Variants in NAA16 observed in about 807,000 individuals in gnomAD.
The protein encoded by NAA16 is NARG1-like protein.
Under a neutral mutation model 110.3 loss-of-function variants are expected in NAA16, and 97 were observed. The ratio of observed to expected loss-of-function variants is 0.88; its 90% CI spans 0.75 to 1.04. The LOEUF is 1.04. NAA16 is among the 50% of genes least tolerant of loss of function. The pLI is 0.00. For synonymous variants in NAA16, 372 were observed against 330.6 expected (o/e 1.13, Z -1.36); for missense variants, 1,017 against 1,005.1 (o/e 1.01, Z -0.16).
intron 4 of NAA16, among the ~76,000 whole-genome samples, chr13:41,321,649 A>G (rs865848977): frequency 2.6e-5 from 4 of 152,248 alleles, no homozygotes; most frequent in South Asian, 2.1e-4. Context: ...AAGGGTTGCC[A>G]TAAATCAGTC....
Position 41,361,307 on chromosome 13 carries a change from A to G in NAA16, c.1411-724A>G, listed in dbSNP as rs187430181. Among the ~76,000 whole-genome samples, 312 of 152,358 alleles carry G rather than the reference A, an allele frequency of 2.0e-3. 1 individual carries two copies. The highest frequency in any genetic ancestry group is 7.3e-3 in the African/African-American group (303 of 41,588). Reference sequence around the variant, plus strand: ...AGGTGATGCTGATAGAAGCAGACACATGGGCACAAAGAAAGTGACAATGGA... The same window carrying G: ...AGGTGATGCTGATAGAAGCAGACACGTGGGCACAAAGAAAGTGACAATGGA... On this transcript the variant is annotated intron_variant, in intron 12 of 19. Coordinates refer to ENST00000379406, the MANE Select transcript of NAA16 (RefSeq NM_024561.5).
At position 41,357,032 on chromosome 13, in the gene NAA16, C is replaced by T. The variant is rs181839671; in HGVS notation, c.1088-1272C>T. 6.6e-5 allele frequency among the ~76,000 whole-genome samples: 10 copies of T among 152,226 alleles called. No homozygotes were observed. In the East Asian group the frequency reaches 1.2e-3, roughly 18 times the overall value. On this transcript the variant is annotated intron_variant, in intron 10 of 19. Transcript: ENST00000379406. ...TTATACTCATTAAAAAGGTCCATGA[C>T]GGCGTGGGGGCACGGTGGCTCCACA...
chr13:41,359,064 T>C lies in NAA16; in HGVS notation c.1410+102T>C, dbSNP rs2043056531. On this transcript the variant is annotated intron_variant, in intron 12 of 19. Coordinates refer to ENST00000379406, the MANE Select transcript of NAA16 (RefSeq NM_024561.5). ...TGTGAAGAACTTCAGTGGAAGTTCA[T>C]AAAAATTCATTTTTATTATTGTTTT... 7.0e-6 allele frequency: 7 copies of C among 1,003,134 alleles called. No individual in the cohort carries two copies. In the South Asian group the frequency reaches 1.6e-4, roughly 23 times the overall value. The allele number at this position is 1,003,134 out of a possible 1,614,324, so 62.1% of individuals were successfully genotyped here. A position where few individuals can be genotyped will look rare whatever the true frequency, so the allele number is the denominator to read the frequency against.
intron 6 of NAA16, among the ~76,000 whole-genome samples, chr13:41,326,458 C>T (rs2042095767): frequency 6.6e-6 from 1 of 152,182 alleles, no homozygotes; most frequent in Non-Finnish European, 1.5e-5. Flanking sequence ...GTCTGAAGCT[C>T]TTAATAAAAA....
intron 15 of NAA16, among the ~76,000 whole-genome samples, chr13:41,370,804 T>G (rs2043301025): frequency 6.6e-6 from 1 of 152,214 alleles, no homozygotes; most frequent in Non-Finnish European, 1.5e-5. Flanking sequence ...CATAAGGACC[T>G]TTAAGGCTCA....
At chr13:41,375,293 T>G in intron 19 of NAA16, 112 bp from the exon 20 acceptor site, 1 of 727,978 alleles carries the variant, frequency 1.4e-6, no homozygotes, top group South Asian at 2.0e-5. Context: ...AGGCATTATT[T>G]TAGACTGAGG....
chr13:41,363,628 C>G (rs1233135784), intron 13 of NAA16, among the ~76,000 whole-genome samples: 1 of 152,048 alleles, frequency 6.6e-6, no homozygotes, highest in African/African-American at 2.4e-5. Context: ...GAAAAAAATT[C>G]TGTAATGTCA....
chr13:41,358,441 G>T lies in NAA16; in HGVS notation c.1225G>T (p.Glu409Ter). ...AATTGCTAGTACTCCAACTCTAATA[G>T]AATTATTCTATATGAAAGCAAAAAT... ...AAIASTPTLI[E>*]LFYMKAKIYK... Residue 409 changes from glutamate (E) to a stop codon, truncating the protein, a stop_gained, in exon 11 of 20, where the codon GAA becomes TAA. Transcript: ENST00000379406. LOFTEE classifies it high-confidence loss of function. The T allele has an allele frequency of 6.2e-7, 1 of 1,613,338 alleles. No individual in the cohort carries two copies.
intron 4 of NAA16, among the ~76,000 whole-genome samples, chr13:41,321,932 A>G (rs533401751): frequency 7.2e-5 from 11 of 152,170 alleles, no homozygotes; most frequent in Non-Finnish European, 1.6e-4. Flanking sequence ...TACTATAATA[A>G]TAATGGCACC....
Position 41,311,401 on chromosome 13 carries a change from C to A in NAA16, c.-128C>A. On this transcript the variant is annotated 5_prime_UTR_variant, in exon 1 of 20. Transcript: ENST00000379406. Reference sequence around the variant, plus strand: ...CAGGCTGCCCAATTGCAACTGTAGACCAATGAACTAATCCATCGCCCGCAG... The same window carrying A: ...CAGGCTGCCCAATTGCAACTGTAGAACAATGAACTAATCCATCGCCCGCAG... The A allele has an allele frequency of 2.3e-6, 2 of 872,480 alleles. No individual in the cohort carries two copies. The highest frequency in any genetic ancestry group is 3.6e-6 in the Non-Finnish European group (2 of 556,010). 54.0% of individuals were successfully genotyped at this position (872,480 alleles called of 1,614,324 possible).
rs369727164 is a variant in NAA16, at chr13:41,325,698, G to A, written c.538G>A (p.Val180Ile). The A allele has an allele frequency of 7.7e-6, 12 of 1,553,314 alleles. No homozygotes were observed. Among genetic ancestry groups the A allele is most frequent in the Middle Eastern group, 1.7e-4 (1 of 5,776 alleles). The change falls in exon 6 of 20, where the codon GTT (valine) becomes ATT (isoleucine). Residue 180 changes from valine (V) to isoleucine (I), a missense_variant and splice_region_variant. Physicochemically the swap from Val to Ile is conservative, Grantham distance 29. Transcript: ENST00000379406. Reference sequence around the variant, plus strand: ...AAGTAATTTGGTCATTTTTTTTCAGGTTCCTCCAAACAAAATAGATTATGA... The same window carrying A: ...AAGTAATTTGGTCATTTTTTTTCAGATTCCTCCAAACAAAATAGATTATGA... ...LLEEFRQTQQ[V>I]PPNKIDYEYS...
chr13:41,336,674 A>G lies in NAA16; in HGVS notation c.932A>G (p.Asp311Gly), dbSNP rs1566264011. Residue 311 changes from aspartate (D) to glycine (G), a missense_variant, in exon 9 of 20, where the codon GAT (aspartate) becomes GGT (glycine). Asp to Gly is a moderately conservative substitution (Grantham distance 94, BLOSUM62 -1). Transcript: ENST00000379406. ...GGTGAAAGATTTAGAGAACTAATGG[A>G]TAAGTTCCTGAGGGTTAACTTCAGT... Reference protein sequence around the residue: ...VPGERFRELMDKFLRVNFSKG... With the variant: ...VPGERFRELMGKFLRVNFSKG... 1.9e-6 allele frequency: 3 copies of G among 1,604,134 alleles called. No individual in the cohort carries two copies. The highest frequency in any genetic ancestry group is 2.2e-5 in the East Asian group (1 of 44,498).
intron 11 of NAA16, 61 bp downstream of exon 11, chr13:41,358,534 G>C: frequency 6.3e-7 from 1 of 1,586,876 alleles, no homozygotes; most frequent in Non-Finnish European, 8.6e-7. Flanking sequence ...AGAATCCTTG[G>C]AGTTTTTTCT....
At chr13:41,325,034 C>T (rs1388124159) in intron 5 of NAA16, among the ~76,000 whole-genome samples, 1 of 144,514 alleles carries the variant, frequency 6.9e-6, no homozygotes, top group African/African-American at 2.6e-5. Context: ...TCTTAGCTCA[C>T]TGCAACCTCC....
Position 41,375,671 on chromosome 13 carries a change from C to T in NAA16, c.*69C>T. ...AGATCAGGGTTTCTTTTCCAGGGTG[C>T]ATTTTAATATACGTATGAAATGAAA... On this transcript the variant is annotated 3_prime_UTR_variant, in exon 20 of 20. Coordinates refer to ENST00000379406, the MANE Select transcript of NAA16 (RefSeq NM_024561.5). 4 of 1,133,256 alleles carry T rather than the reference C, an allele frequency of 3.5e-6. No homozygotes were observed. The highest frequency in any genetic ancestry group is 3.8e-6 in the Non-Finnish European group (3 of 798,740). 70.2% of individuals were successfully genotyped at this position (1,133,256 alleles called of 1,614,324 possible).
intron 9 of NAA16, among the ~76,000 whole-genome samples, chr13:41,351,516 G>T (rs1222781478): frequency 6.6e-6 from 1 of 151,910 alleles, no homozygotes; most frequent in Non-Finnish European, 1.5e-5. Flanking sequence ...TCTTCATTGC[G>T]AAAAAAATGT....
intron 1 of NAA16, among the ~76,000 whole-genome samples, chr13:41,312,229 C>G (rs1350192122): frequency 1.3e-5 from 2 of 152,212 alleles, no homozygotes; most frequent in African/African-American, 2.4e-5. Context: ...TCACCAACTT[C>G]AAAACAGCTG....
chr13:41,370,916 CATT>C (rs2043303381), intron 15 of NAA16, among the ~76,000 whole-genome samples: 1 of 152,192 alleles, frequency 6.6e-6, no homozygotes, highest in Non-Finnish European at 1.5e-5. Flanking sequence ...AGGATGCCAT[CATT>C]GTTAACAGAA....
intron 1 of NAA16, among the ~76,000 whole-genome samples, chr13:41,315,579 C>T (rs1480321500): frequency 6.6e-6 from 1 of 152,086 alleles, no homozygotes; most frequent in Admixed American, 6.6e-5. Context: ...AGTAATGACA[C>T]CTACATTAAA....
Sources: gnomAD v4.1 joint callset for allele counts (sites outside exome capture counted in the v4.1 genomes callset) on GRCh38, gnomAD v4.1.1 for gene constraint, MANE v1.5 for transcripts, NCBI Gene and HGNC (gene_info 2026-07-23, HGNC 2026-07-21) for gene names.